KIF16B: variants seen among roughly 807,000 people sequenced by gnomAD.
KIF16B encodes kinesin-like protein KIF16B.
KIF16B carries 98 observed loss-of-function variants against 156.3 expected under a neutral mutation model. That is an observed-to-expected ratio of 0.63 (90% confidence interval 0.53 to 0.74). The LOEUF (loss-of-function observed/expected upper bound fraction) is 0.74. KIF16B is among the 30% of genes least tolerant of loss of function. KIF16B has a pLI of 0.00. For missense variants in KIF16B, 1,421 were observed against 1,606.5 expected (o/e 0.88, Z 1.97); for synonymous variants, 564 against 583.7 (o/e 0.97, Z 0.49).
chr20:16,446,932 C>A (rs766893530), intron 12 of KIF16B, among the ~76,000 whole-genome samples: 1 of 152,166 alleles, frequency 6.6e-6, no homozygotes, highest in Non-Finnish European at 1.5e-5. Flanking sequence ...AATAAATTCA[C>A]CCATATTCAC....
intron 1 of KIF16B, among the ~76,000 whole-genome samples, chr20:16,540,625 C>T (rs2070159958): frequency 6.6e-6 from 1 of 152,078 alleles, no homozygotes; most frequent in African/African-American, 2.4e-5. Context: ...CTCTCCCCGT[C>T]GCCATCCCTC....
intron 17 of KIF16B, among the ~76,000 whole-genome samples, chr20:16,396,653 T>C (rs2065511832): frequency 6.6e-6 from 1 of 150,450 alleles, no homozygotes; most frequent in Non-Finnish European, 1.5e-5. Flanking sequence ...AGTCGCTTTT[T>C]TTTTTTTTTT....
chr20:16,517,312 A>C (rs1403921041), intron 3 of KIF16B, among the ~76,000 whole-genome samples: 1 of 152,240 alleles, frequency 6.6e-6, no homozygotes, highest in African/African-American at 2.4e-5. Context: ...GTTAATTCTT[A>C]ACCATTTTAG....
chr20:16,385,090 G>A (rs935159296), intron 17 of KIF16B, among the ~76,000 whole-genome samples: 6 of 151,852 alleles, frequency 4.0e-5, no homozygotes, highest in South Asian at 2.1e-4. Flanking sequence ...CCAGCTACTC[G>A]GGAGGCTGAG....
chr20:16,363,471 G>T (rs2064592101), intron 22 of KIF16B, among the ~76,000 whole-genome samples: 1 of 152,178 alleles, frequency 6.6e-6, no homozygotes, highest in Non-Finnish European at 1.5e-5. Context: ...ATACATCCAT[G>T]GAAAATTAAT....
intron 22 of KIF16B, among the ~76,000 whole-genome samples, chr20:16,365,428 G>C (rs528698222): frequency 3.9e-5 from 6 of 152,242 alleles, no homozygotes; most frequent in South Asian, 4.1e-4. Flanking sequence ...ATTTATGTGT[G>C]GGGGTAGGGG....
At chr20:16,314,541 G>A (rs1274888353) in intron 24 of KIF16B, among the ~76,000 whole-genome samples, 1 of 152,156 alleles carries the variant, frequency 6.6e-6, no homozygotes, top group Admixed American at 6.5e-5. Flanking sequence ...AAAGACCATG[G>A]GCACTGAGGC....
At chr20:16,295,633 T>C (rs2063374969) in intron 25 of KIF16B, among the ~76,000 whole-genome samples, 1 of 152,020 alleles carries the variant, frequency 6.6e-6, no homozygotes, top group Non-Finnish European at 1.5e-5. Context: ...TAGGCAGATA[T>C]TGGCTGTATT....
chr20:16,336,676 A>C (rs2064043783), intron 23 of KIF16B, among the ~76,000 whole-genome samples: 2 of 152,092 alleles, frequency 1.3e-5, no homozygotes, highest in Non-Finnish European at 2.9e-5. Context: ...AACCATACTC[A>C]ACATATTCCC....
intron 12 of KIF16B, among the ~76,000 whole-genome samples, chr20:16,491,522 C>A (rs977034285): frequency 1.3e-5 from 2 of 152,138 alleles, no homozygotes; most frequent in Non-Finnish European, 2.9e-5. Context: ...CAACTACTTT[C>A]AAAATAACTC....
At chr20:16,300,892 T>C (rs377615771) in intron 25 of KIF16B, among the ~76,000 whole-genome samples, 18 of 152,342 alleles carry the variant, frequency 1.2e-4, no homozygotes, top group Middle Eastern at 3.4e-3. Context: ...TTGTACTTTC[T>C]ATGGGGTTTG....
chr20:16,293,161 C>G (rs1354236646), intron 25 of KIF16B, among the ~76,000 whole-genome samples: 1 of 152,118 alleles, frequency 6.6e-6, no homozygotes, highest in African/African-American at 2.4e-5. Context: ...AGGCAATTTC[C>G]CAGAAATGAA....
In KIF16B at chr20:16,504,500, G is replaced by A. The variant is rs755037043; in HGVS notation, c.1048C>T (p.Arg350Cys). Residue 350 changes from arginine to cysteine, a missense_variant, in exon 10 of 26, where the codon CGC becomes TGC. Coordinates refer to ENST00000354981, the MANE Select transcript of KIF16B (RefSeq NM_024704.5). The part of the protein sequence containing the change: ...VNYGETLSTL[R>C]YANRAKNIIN... ...ATGTTTTTGGCTCTATTTGCATAGC[G>A]AAGAGTACTTAGGGTTTCTCCATAA... 5.0e-6 allele frequency: 8 copies of A among 1,613,980 alleles called. No homozygotes were observed. The highest frequency in any genetic ancestry group is 2.2e-5 in the East Asian group (1 of 44,870).
At chr20:16,291,014 A>G (rs186248681) in intron 25 of KIF16B, among the ~76,000 whole-genome samples, 2,221 of 152,356 alleles carry the variant, frequency 0.015, 65 homozygotes, top group African/African-American at 0.051. Context: ...AAAGAAAAAG[A>G]AAAAGAAACC....
chr20:16,520,126 GTTT>G (rs201085118), intron 3 of KIF16B, among the ~76,000 whole-genome samples: 2 of 145,254 alleles, frequency 1.4e-5, no homozygotes, highest in Non-Finnish European at 3.0e-5. Flanking sequence ...AGCTGCAGGA[GTTT>G]TTTTTTTTTT....
rs546493841 is a variant in KIF16B at position 16,272,583 on chromosome 20, A to T, written c.*670T>A. On this transcript the variant is annotated 3_prime_UTR_variant, in exon 26 of 26. Coordinates refer to ENST00000354981, the MANE Select transcript of KIF16B (RefSeq NM_024704.5). ...AAGGTTAAATAAATATCCTAATTGT[A>T]GGGATTTATAGAAGTTTTAAGTAAT... 3 of 152,776 alleles carry T rather than the reference A, an allele frequency of 2.0e-5. No individual in the cohort carries two copies. The highest frequency in any genetic ancestry group is 7.2e-5 in the African/African-American group (3 of 41,582). 9.5% of individuals were successfully genotyped at this position (152,776 alleles called of 1,614,324 possible).
chr20:16,318,003 G>C (rs2063723087), intron 24 of KIF16B, among the ~76,000 whole-genome samples: 1 of 152,168 alleles, frequency 6.6e-6, no homozygotes, highest in Non-Finnish European at 1.5e-5. Flanking sequence ...CAGAAAACAA[G>C]AGAAGATGTG....
intron 12 of KIF16B, among the ~76,000 whole-genome samples, chr20:16,449,366 G>A (rs1449287870): frequency 6.6e-6 from 1 of 152,164 alleles, no homozygotes; most frequent in East Asian, 1.9e-4. Flanking sequence ...GCCAATGAAA[G>A]AATGTCCCTT....
At chr20:16,556,512 C>T (rs926332742) in intron 1 of KIF16B, among the ~76,000 whole-genome samples, 10 of 152,132 alleles carry the variant, frequency 6.6e-5, no homozygotes, top group Admixed American at 3.9e-4. Flanking sequence ...TCTATTCTTG[C>T]CCCCTGGGAT....
Sources: allele counts gnomAD v4.1 joint callset (sites outside exome capture counted in the v4.1 genomes callset), GRCh38; gene constraint gnomAD v4.1.1; transcripts MANE v1.5; gene names NCBI Gene and HGNC (gene_info 2026-07-23, HGNC 2026-07-21).